Variants in PPARG observed in about 807,000 individuals in gnomAD.
The protein encoded by PPARG is peroxisome proliferator activated receptor gamma, also known as peroxisome proliferator-activated receptor gamma.
A neutral mutation model predicts 39.2 loss-of-function variants in PPARG; 17 were observed. The observed-to-expected ratio is 0.43, with a 90% CI of 0.30 to 0.65. PPARG has a LOEUF of 0.65. Among genes scored for constraint, PPARG ranks in the 30% least tolerant of loss-of-function variants. The probability of loss-of-function intolerance (pLI) is 0.13; values close to 1 mark genes in which losing one functional copy is unlikely to be tolerated. For missense variants in PPARG, 406 were observed against 585.9 expected, an observed-to-expected ratio of 0.69 and a Z score of 3.17; for synonymous variants, 223 against 215.7, an observed-to-expected ratio of 1.03 and a Z score of -0.30.
intron 2 of PPARG, among the ~76,000 whole-genome samples, chr3:12,357,515 A>G (rs752394238): frequency 1.3e-5 from 2 of 152,156 alleles, no homozygotes; most frequent in African/African-American, 2.4e-5. Flanking sequence ...GGGGAATTAC[A>G]TATCCTCCCC....
intron 2 of PPARG, among the ~76,000 whole-genome samples, chr3:12,365,158 T>C (rs1211814103): frequency 6.6e-6 from 1 of 152,208 alleles, no homozygotes; most frequent in African/African-American, 2.4e-5. Flanking sequence ...ATGCAGCCAC[T>C]GATCTGACAG....
intron 6 of PPARG, among the ~76,000 whole-genome samples, chr3:12,413,062 A>T (rs2050934820): frequency 6.6e-6 from 1 of 152,232 alleles, no homozygotes; most frequent in Admixed American, 6.5e-5. Context: ...ATACAAAAAA[A>T]CAGCCATGGA....
At chr3:12,333,726 TTCAGTCG>T (rs2125052936) in intron 2 of PPARG, among the ~76,000 whole-genome samples, 1 of 152,352 alleles carries the variant, frequency 6.6e-6, no homozygotes, top group Admixed American at 6.5e-5. Flanking sequence ...TGCTCGTTCA[TTCAGTCG>T]TCAGTCATTT....
chr3:12,363,449 CA>C (rs372843865), intron 2 of PPARG, among the ~76,000 whole-genome samples: 52 of 152,176 alleles, frequency 3.4e-4, no homozygotes, highest in African/African-American at 1.3e-3. Flanking sequence ...GAGTGCTTGA[CA>C]CAGTAAGTTG....
intron 1 of PPARG, among the ~76,000 whole-genome samples, chr3:12,303,933 A>G (rs1047558928): frequency 6.6e-6 from 1 of 152,264 alleles, no homozygotes; most frequent in African/African-American, 2.4e-5. Context: ...ACCAGTACAT[A>G]TACTAAGTTT....
chr3:12,375,755 G>A (rs531250649), intron 2 of PPARG, among the ~76,000 whole-genome samples: 263 of 152,208 alleles, frequency 1.7e-3, no homozygotes, highest in Non-Finnish European at 3.0e-3. Context: ...TTGAGACCTA[G>A]AATGACCTTT....
intron 2 of PPARG, among the ~76,000 whole-genome samples, chr3:12,368,607 G>C (rs949308092): frequency 6.6e-6 from 1 of 152,146 alleles, no homozygotes; most frequent in African/African-American, 2.4e-5. Flanking sequence ...ACCTTTTTAT[G>C]TCTAATATTT....
chr3:12,378,690 ATCAGCCAGAGT>A (rs1388951128), intron 2 of PPARG, among the ~76,000 whole-genome samples: 1 of 152,186 alleles, frequency 6.6e-6, no homozygotes, highest in African/African-American at 2.4e-5. Flanking sequence ...ATGGGGAGAT[ATCAGCCAGAGT>A]TTCAGTTATG....
intron 1 of PPARG, among the ~76,000 whole-genome samples, chr3:12,303,925 C>T (rs2046992579): frequency 6.6e-6 from 1 of 152,142 alleles, no homozygotes; most frequent in Non-Finnish European, 1.5e-5. Flanking sequence ...ATTGGAACAC[C>T]AGTACATATA....
chr3:12,408,351 G>A (rs2050747072), intron 6 of PPARG, among the ~76,000 whole-genome samples: 2 of 152,088 alleles, frequency 1.3e-5, no homozygotes. Flanking sequence ...TACATGCACA[G>A]GACTGCACAA....
At chr3:12,312,672 T>C (rs2047280327) in intron 2 of PPARG, among the ~76,000 whole-genome samples, 1 of 152,232 alleles carries the variant, frequency 6.6e-6, no homozygotes, top group Admixed American at 6.5e-5. Flanking sequence ...GACCTAGAAG[T>C]TGAGAAATAA....
chr3:12,288,081 AG>A (rs1242604907), upstream of PPARG: 2 of 151,194 alleles, frequency 1.3e-5, no homozygotes, highest in South Asian at 2.1e-4. Flanking sequence ...GGGAGTGCTC[AG>A]GGAGGGGGCG....
At chr3:12,352,230 G>A (rs2048511225) in intron 2 of PPARG, among the ~76,000 whole-genome samples, 1 of 152,136 alleles carries the variant, frequency 6.6e-6, no homozygotes, top group Non-Finnish European at 1.5e-5. Flanking sequence ...GATTTCTTAG[G>A]ATACTTCCTA....
intron 2 of PPARG, 27 bp from the exon 3 acceptor site, chr3:12,379,677 T>C (rs1318015683): frequency 6.3e-7 from 1 of 1,585,998 alleles, no homozygotes; most frequent in Admixed American, 1.7e-5. Context: ...GGACTTAACT[T>C]CACAGCTAGT....
At chr3:12,356,795 T>C (rs1559505710) in intron 2 of PPARG, among the ~76,000 whole-genome samples, 1 of 152,188 alleles carries the variant, frequency 6.6e-6, no homozygotes, top group Non-Finnish European at 1.5e-5. Flanking sequence ...TGGCCTGTCT[T>C]GCTCTGTTCA....
intron 6 of PPARG, among the ~76,000 whole-genome samples, chr3:12,407,274 C>T (rs1011329035): frequency 1.3e-5 from 2 of 152,128 alleles, no homozygotes; most frequent in South Asian, 2.1e-4. Flanking sequence ...AATTCTCCTG[C>T]GTCAGCCTCC....
At chr3:12,340,175 C>G (rs1454797371) in intron 2 of PPARG, among the ~76,000 whole-genome samples, 1 of 152,228 alleles carries the variant, frequency 6.6e-6, no homozygotes, top group Non-Finnish European at 1.5e-5. Flanking sequence ...ATTGTTTTCT[C>G]CTGCTGCCTA....
At chr3:12,379,175 T>A (rs1445143085) in intron 2 of PPARG, among the ~76,000 whole-genome samples, 5 of 152,010 alleles carry the variant, frequency 3.3e-5, no homozygotes, top group East Asian at 3.9e-4. Context: ...CGGCCAATTT[T>A]TGTATTTTTA....
At chr3:12,401,661 A>G (rs1041602534) in intron 5 of PPARG, among the ~76,000 whole-genome samples, 1 of 151,574 alleles carries the variant, frequency 6.6e-6, no homozygotes, top group African/African-American at 2.4e-5. Context: ...TGTTTTCTGT[A>G]CAATTTCAGA....
Sources: gnomAD v4.1 joint callset for allele counts (sites outside exome capture counted in the v4.1 genomes callset) on GRCh38, gnomAD v4.1.1 for gene constraint, MANE v1.5 for transcripts, NCBI Gene and HGNC (gene_info 2026-07-23, HGNC 2026-07-21) for gene names.